NOTCH2: variants seen among roughly 807,000 people sequenced by gnomAD.
NOTCH2 encodes neurogenic locus notch homolog protein 2.
In NOTCH2, 29 loss-of-function variants were observed where a neutral mutation model predicts 235.8. The ratio of observed to expected loss-of-function variants is 0.12; its 90% CI spans 0.09 to 0.17. NOTCH2 has a LOEUF of 0.17. NOTCH2 is among the 10% of genes least tolerant of loss of function. The pLI, the probability that NOTCH2 is intolerant of heterozygous loss-of-function variation, is 1.00. For missense variants in NOTCH2, 2,285 were observed against 3,150.2 expected, an observed-to-expected ratio of 0.73 and a Z score of 6.57; for synonymous variants, 1,086 against 1,141.5, an observed-to-expected ratio of 0.95 and a Z score of 0.98.
chr1:119,916,735 T>C lies in NOTCH2; in HGVS notation c.6028-41A>G, dbSNP rs139151783. ...ATCACAGAACACATGTTAATAACAC[T>C]CTTGAGAATATAGCAGTTTTTCTCA... On this transcript the variant is annotated intron_variant, in intron 33 of 33. Transcript: ENST00000256646. The C allele has an allele frequency of 3.4e-4, 549 of 1,599,890 alleles. 1 individual carries two copies. The African/African-American group carries it at 6.5e-3, about 19-fold the overall frequency.
chr1:119,965,592 A>C, intron 9 of NOTCH2, 26 bp from the exon 10 acceptor site: 1 of 1,442,452 alleles, frequency 6.9e-7, no homozygotes, highest in Non-Finnish European at 9.8e-7. Flanking sequence ...TGGTAACATG[A>C]GTCAAAGGAT....
chr1:119,917,890 G>A (rs749102701), intron 32 of NOTCH2, 128 bp from the exon 33 acceptor site: 1 of 714,620 alleles, frequency 1.4e-6, no homozygotes, highest in Non-Finnish European at 2.5e-6. Flanking sequence ...GGGTCTATAG[G>A]AAAAACCAAA....
chr1:119,932,934 T>C (rs1649719649), intron 22 of NOTCH2, among the ~76,000 whole-genome samples: 1 of 152,154 alleles, frequency 6.6e-6, no homozygotes. Flanking sequence ...TGAGAAGTAT[T>C]TTCACTGTAT....
In NOTCH2 at chr1:119,969,569, G is replaced by T. The variant is rs1651282159; in HGVS notation, c.1050C>A (p.Gly350=). The T allele has an allele frequency of 6.2e-7, 1 of 1,613,952 alleles. No individual in the cohort carries two copies. The highest frequency in any genetic ancestry group is 8.5e-7 in the Non-Finnish European group (1 of 1,179,996). ...AGGCCACACGGTCGATGCAGGTGGA[G>T]CCTGGAGTACAGGAGGCGAAGGCAC... ...DDCAFASCTP[G]STCIDRVASF... The change falls in exon 6 of 34, where the codon GGC becomes GGA. Residue 350 remains glycine (G), a synonymous_variant. Coordinates refer to ENST00000256646, the MANE Select transcript of NOTCH2 (RefSeq NM_024408.4).
chr1:119,954,963 C>G, intron 13 of NOTCH2, 77 bp downstream of exon 13: 1 of 1,453,582 alleles, frequency 6.9e-7, no homozygotes, highest in South Asian at 1.2e-5. Flanking sequence ...TTGACAACTT[C>G]AGGCTGTCAC....
At position 119,955,243 on chromosome 1, in the gene NOTCH2, G is replaced by A; in HGVS notation, c.2027-11C>T. 2 of 1,613,700 alleles carry A rather than the reference G, an allele frequency of 1.2e-6. No homozygotes were observed. The highest frequency in any genetic ancestry group is 4.5e-5 in the East Asian group (2 of 44,880). On this transcript the variant is annotated splice_polypyrimidine_tract_variant and intron_variant, in intron 12 of 33. Transcript: ENST00000256646. ...TGTTACATCTCTGCCCTGTGGAGAA[G>A]GGGGACAGTGTTAGTCACATCCTAA...
Position 119,921,031 on chromosome 1 carries a change from G to A in NOTCH2, c.5311-634C>T, listed in dbSNP as rs148812854. 1.8e-3 allele frequency among the ~76,000 whole-genome samples: 272 copies of A among 152,308 alleles called. 1 individual carries two copies. Among genetic ancestry groups the A allele is most frequent in the African/African-American group, 5.9e-3 (246 of 41,566 alleles). On this transcript the variant is annotated intron_variant, in intron 29 of 33. Transcript: ENST00000256646. ...ACAGAGGAAAGGGTTATTATTATCC[G>A]CATTTTACAAGGAAGGATAATTACA...
chr1:119,946,116 G>A (rs1156967568), intron 17 of NOTCH2, among the ~76,000 whole-genome samples: 1 of 152,016 alleles, frequency 6.6e-6, no homozygotes, highest in Non-Finnish European at 1.5e-5. Flanking sequence ...TTCTTTGAAA[G>A]ACAGATATTA....
rs997365380 is a variant in NOTCH2, at chr1:119,920,546, T to A, written c.5311-149A>T. ...ACCCCTCCAGAGGATTACCTCAGCC[T>A]TGGCTTCCCACTGCTCTCGTGATGT... On this transcript the variant is annotated intron_variant, in intron 29 of 33. Coordinates refer to ENST00000256646, the MANE Select transcript of NOTCH2 (RefSeq NM_024408.4). 2.0e-5 allele frequency: 18 copies of A among 899,652 alleles called. 1 individual carries two copies. In the African/African-American group the frequency reaches 2.8e-4, roughly 14 times the overall value. The allele number at this position is 899,652 out of a possible 1,614,324, so 55.7% of individuals were successfully genotyped here. A position where few individuals can be genotyped will look rare whatever the true frequency, so the allele number is the denominator to read the frequency against.
At chr1:120,000,736 G>A in intron 3 of NOTCH2, among the ~76,000 whole-genome samples, 1 of 150,624 alleles carries the variant, frequency 6.6e-6, no homozygotes, top group Middle Eastern at 3.4e-3. Flanking sequence ...CCTCCTAATA[G>A]CAAAACAACT....
At chr1:119,985,139 CAGA>C (rs1651963026) in intron 5 of NOTCH2, among the ~76,000 whole-genome samples, 1 of 152,068 alleles carries the variant, frequency 6.6e-6, no homozygotes, top group Non-Finnish European at 1.5e-5. Context: ...CTTCATATAA[CAGA>C]AGAAGGATCT....
At chr1:119,978,431 A>C (rs912761344) in intron 5 of NOTCH2, among the ~76,000 whole-genome samples, 1 of 152,214 alleles carries the variant, frequency 6.6e-6, no homozygotes, top group African/African-American at 2.4e-5. Flanking sequence ...ACTCTGCTGC[A>C]GTGAGGAGAA....
chr1:119,969,301 G>A (rs1553200087), intron 6 of NOTCH2, among the ~76,000 whole-genome samples: 1 of 152,230 alleles, frequency 6.6e-6, no homozygotes, highest in Non-Finnish European at 1.5e-5. Context: ...ACTAAAGTAT[G>A]TAGAGTTGAG....
chr1:119,925,941 T>C (rs1205082011), intron 24 of NOTCH2, 131 bp from the exon 25 acceptor site: 8 of 1,085,672 alleles, frequency 7.4e-6, no homozygotes, highest in African/African-American at 1.6e-5. Flanking sequence ...CCAAGGTTAC[T>C]AGACAGGTTT....
At chr1:120,014,418 AG>A (rs1653342377) in intron 2 of NOTCH2, among the ~76,000 whole-genome samples, 2 of 151,600 alleles carry the variant, frequency 1.3e-5, no homozygotes, top group South Asian at 4.2e-4. Context: ...AAAAAAAAAA[AG>A]TGTCATTTCT....
rs369254585 is a variant in NOTCH2, at chr1:119,916,377, G to A, written c.6345C>T (p.Ser2115=). 10 of 1,614,036 alleles carry A rather than the reference G, an allele frequency of 6.2e-6. No homozygotes were observed. Among genetic ancestry groups the A allele is most frequent in the Non-Finnish European group, 7.6e-6 (9 of 1,180,028 alleles). Residue 2115 remains serine, a synonymous_variant, in exon 34 of 34, where the codon AGC becomes AGT. Transcript: ENST00000256646. ...TTGCCTCCTTGGCAAGGTTAGGGAGGCTAGTAGGCATGGTACTCTTGGCAC... is the reference window on the plus strand; with the variant it reads ...TTGCCTCCTTGGCAAGGTTAGGGAGACTAGTAGGCATGGTACTCTTGGCAC... The part of the protein sequence containing the change: ...RPSAKSTMPT[S]LPNLAKEAKD...
intron 5 of NOTCH2, among the ~76,000 whole-genome samples, chr1:119,978,751 T>C (rs587701238): frequency 1.3e-3 from 202 of 152,254 alleles, no homozygotes; most frequent in Admixed American, 7.8e-3. Flanking sequence ...GCTGGGTTGT[T>C]GAGCCAGTTT....
At chr1:119,962,902 C>T (rs1650988990) in intron 11 of NOTCH2, among the ~76,000 whole-genome samples, 3 of 152,128 alleles carry the variant, frequency 2.0e-5, no homozygotes, top group Admixed American at 1.3e-4. Context: ...AATTCCACAT[C>T]CCCCCAGAAA....
intron 15 of NOTCH2, among the ~76,000 whole-genome samples, chr1:119,949,433 C>T (rs1025086783): frequency 2.1e-5 from 3 of 144,300 alleles, no homozygotes; most frequent in Non-Finnish European, 4.5e-5. Flanking sequence ...GACTCTCAGG[C>T]TGGAGTGCAG....
Sources: gnomAD v4.1 joint callset for allele counts (sites outside exome capture counted in the v4.1 genomes callset) on GRCh38, gnomAD v4.1.1 for gene constraint, MANE v1.5 for transcripts, NCBI Gene and HGNC (gene_info 2026-07-23, HGNC 2026-07-21) for gene names.